SLCO1B3: variants seen among roughly 807,000 people sequenced by gnomAD.
SLCO1B3 encodes the protein solute carrier organic anion transporter family member 1B3, also known as liver-specific organic anion transporter 2.
SLCO1B3 carries 72 observed loss-of-function variants against 71.8 expected under a neutral mutation model. The ratio of observed to expected loss-of-function variants is 1.00; its 90% CI spans 0.83 to 1.22. The LOEUF is 1.22. Among genes scored for constraint, SLCO1B3 ranks in the 50% most tolerant of loss-of-function variants. SLCO1B3 has a pLI of 0.00. For synonymous variants in SLCO1B3, 298 were observed against 278.4 expected, an observed-to-expected ratio of 1.07 and a Z score of -0.70; for missense variants, 911 against 819.7, an observed-to-expected ratio of 1.11 and a Z score of -1.36.
Position 20,859,483 on chromosome 12 carries a change from GTT to G in SLCO1B3, c.359+918_359+919del, listed in dbSNP as rs139504676. ...GCCTGTTGGTCACCATATGAATTCT[GTT>G]TTTTTCCCCCTCTACATTTGGCCCT... On this transcript the variant is annotated intron_variant, in intron 5 of 15. Coordinates refer to ENST00000381545, the MANE Select transcript of SLCO1B3 (RefSeq NM_019844.4). Among the ~76,000 whole-genome samples, 174 of 146,718 alleles carry G rather than the reference GTT, an allele frequency of 1.2e-3. 4 individuals carry two copies. The South Asian group carries it at 0.032, about 27-fold the overall frequency.
At chr12:20,878,827 T>G (rs902453778) in intron 10 of SLCO1B3, among the ~76,000 whole-genome samples, 4 of 152,152 alleles carry the variant, frequency 2.6e-5, no homozygotes, top group Non-Finnish European at 5.9e-5. Flanking sequence ...ATCCTGTATG[T>G]AGACATTTTT....
In SLCO1B3 at chr12:20,879,589, G is replaced by T. The variant is rs376788743; in HGVS notation, c.1289G>T (p.Cys430Phe). ...CAACTTCTATATTTCCCTCTAATCTGCGAAAGCAAATCAGTTGCCGGCCTA... is the reference window on the plus strand; with the variant it reads ...CAACTTCTATATTTCCCTCTAATCTTCGAAAGCAAATCAGTTGCCGGCCTA... ...LFQLLYFPLI[C>F]ESKSVAGLTL... The change falls in exon 11 of 16, where the codon TGC becomes TTC. Residue 430 changes from cysteine (C) to phenylalanine (F), a missense_variant. Coordinates refer to ENST00000381545, the MANE Select transcript of SLCO1B3 (RefSeq NM_019844.4). 7 of 1,612,438 alleles carry T rather than the reference G, an allele frequency of 4.3e-6. No individual in the cohort carries two copies. Among genetic ancestry groups the T allele is most frequent in the Non-Finnish European group, 4.2e-6 (5 of 1,179,292 alleles).
intron 3 of SLCO1B3, chr12:20,845,318 GAAAC>G (rs200813493): frequency 1.5e-4 from 3 of 20,254 alleles, no homozygotes; most frequent in Non-Finnish European, 1.0e-3. Flanking sequence ...ACAATGAGTA[GAAAC>G]ATCATCAGTC....
intron 8 of SLCO1B3, among the ~76,000 whole-genome samples, chr12:20,873,215 C>T (rs1865510264): frequency 6.6e-6 from 1 of 152,114 alleles, no homozygotes; most frequent in African/African-American, 2.4e-5. Context: ...ACCCAGGGGC[C>T]AAGTGTATGC....
chr12:20,914,416 C>T (rs565564511), intron 15 of SLCO1B3, among the ~76,000 whole-genome samples: 1 of 152,092 alleles, frequency 6.6e-6, no homozygotes, highest in Admixed American at 6.6e-5. Context: ...AACCCTAATT[C>T]TTCTTTCCTA....
intron 2 of SLCO1B3, among the ~76,000 whole-genome samples, chr12:20,814,981 C>CTTTTT (rs71039997): frequency 3.4e-5 from 3 of 89,292 alleles, no homozygotes; most frequent in African/African-American, 1.1e-4. Flanking sequence ...CTTTTCTTTT[C>CTTTTT]TTTTTTTTTT....
intron 8 of SLCO1B3, among the ~76,000 whole-genome samples, chr12:20,871,982 G>A (rs1459751894): frequency 6.6e-6 from 1 of 152,096 alleles, no homozygotes; most frequent in Non-Finnish European, 1.5e-5. Context: ...AGTTCCTCTA[G>A]GCCTCAGGCT....
At chr12:20,869,130 T>TC (rs938794966) in intron 8 of SLCO1B3, among the ~76,000 whole-genome samples, 5 of 151,914 alleles carry the variant, frequency 3.3e-5, no homozygotes, top group African/African-American at 1.2e-4. Context: ...TTTTCTAAAC[T>TC]CCCCCGGGGA....
chr12:20,886,479 CTGAGGAGGTCCCA>C (rs1189303577), intron 13 of SLCO1B3, among the ~76,000 whole-genome samples: 1 of 152,016 alleles, frequency 6.6e-6, no homozygotes, highest in African/African-American at 2.4e-5. Flanking sequence ...CTAAAGGAAA[CTGAGGAGGTCCCA>C]TGAGTTATGA....
chr12:20,894,441 A>C (rs1865962848), intron 13 of SLCO1B3, among the ~76,000 whole-genome samples: 2 of 152,086 alleles, frequency 1.3e-5, no homozygotes, highest in Non-Finnish European at 2.9e-5. Context: ...CATCATCTCC[A>C]CTGAATTGTT....
chr12:20,857,522 T>A (rs1865166080), intron 4 of SLCO1B3, among the ~76,000 whole-genome samples: 1 of 152,002 alleles, frequency 6.6e-6, no homozygotes, highest in South Asian at 2.1e-4. Context: ...TTTGTAAATT[T>A]TTAATTATAT....
At chr12:20,888,949 A>G (rs1009716137) in intron 13 of SLCO1B3, among the ~76,000 whole-genome samples, 3 of 152,120 alleles carry the variant, frequency 2.0e-5, no homozygotes, top group East Asian at 1.9e-4. Flanking sequence ...TTATTTTATC[A>G]TACGCTTTTT....
chr12:20,869,661 G>C (rs1389054712), intron 8 of SLCO1B3, among the ~76,000 whole-genome samples: 1 of 152,082 alleles, frequency 6.6e-6, no homozygotes, highest in Non-Finnish European at 1.5e-5. Context: ...CATATTGCAG[G>C]ATGTCCTTTC....
At chr12:20,819,579 G>A (rs1864254913) in intron 3 of SLCO1B3, among the ~76,000 whole-genome samples, 2 of 152,136 alleles carry the variant, frequency 1.3e-5, no homozygotes, top group African/African-American at 2.4e-5. Flanking sequence ...AGGTGGATAG[G>A]CAAAATAATT....
intron 3 of SLCO1B3, among the ~76,000 whole-genome samples, chr12:20,850,435 A>G (rs1330119812): frequency 6.6e-6 from 1 of 150,404 alleles, no homozygotes; most frequent in East Asian, 2.0e-4. Flanking sequence ...ACCCACCACC[A>G]CTCCCGGCTA....
At position 20,883,329 on chromosome 12, in the gene SLCO1B3, T is replaced by G. The variant is rs565443757; in HGVS notation, c.1498-89T>G. The G allele has an allele frequency of 5.0e-5, 36 of 716,516 alleles. No individual in the cohort carries two copies. In the African/African-American group the frequency reaches 5.5e-4, roughly 11 times the overall value. 44.4% of individuals were successfully genotyped at this position (716,516 alleles called of 1,614,324 possible). On this transcript the variant is annotated intron_variant, in intron 12 of 15. Coordinates refer to ENST00000381545, the MANE Select transcript of SLCO1B3 (RefSeq NM_019844.4). Reference sequence around the variant, plus strand: ...TTTTTTAAACTGTAAATATTTTAGTTTGAGACTTCTTTAAATATAATGGAA... The same window carrying G: ...TTTTTTAAACTGTAAATATTTTAGTGTGAGACTTCTTTAAATATAATGGAA...
intron 3 of SLCO1B3, among the ~76,000 whole-genome samples, chr12:20,838,507 T>C (rs1254555507): frequency 2.6e-5 from 4 of 152,010 alleles, no homozygotes; most frequent in Non-Finnish European, 5.9e-5. Context: ...TTCTGAGAAG[T>C]GCACTGTCAT....
chr12:20,827,139 G>A (rs1565579320), intron 3 of SLCO1B3, among the ~76,000 whole-genome samples: 4 of 151,882 alleles, frequency 2.6e-5, no homozygotes, highest in Non-Finnish European at 4.4e-5. Flanking sequence ...ATTACACAAA[G>A]ATGACCATGT....
intron 12 of SLCO1B3, among the ~76,000 whole-genome samples, chr12:20,882,974 G>A (rs1320093033): frequency 2.6e-5 from 4 of 152,100 alleles, no homozygotes; most frequent in Non-Finnish European, 5.9e-5. Flanking sequence ...GCTTTTGCCT[G>A]CTTAAATAGA....
Sources: gnomAD v4.1 joint callset for allele counts (sites outside exome capture counted in the v4.1 genomes callset) on GRCh38, gnomAD v4.1.1 for gene constraint, MANE v1.5 for transcripts, NCBI Gene and HGNC (gene_info 2026-07-23, HGNC 2026-07-21) for gene names.